NRXN1: variants seen among roughly 807,000 people sequenced by gnomAD.
NRXN1 encodes the protein neurexin 1, also known as neurexin-1.
A neutral mutation model predicts 150.9 loss-of-function variants in NRXN1; 39 were observed. That is an observed-to-expected ratio of 0.26 (90% CI 0.20 to 0.34). NRXN1 has a LOEUF of 0.34. Ranked by LOEUF, NRXN1 falls within the 10% of genes least tolerant of loss-of-function variation. The probability of loss-of-function intolerance (pLI) is 1.00; values close to 1 mark genes in which losing one functional copy is unlikely to be tolerated. For missense variants in NRXN1, 1,815 were observed against 1,949.9 expected, an observed-to-expected ratio of 0.93 and a Z score of 1.30; for synonymous variants, 924 against 757.0, an observed-to-expected ratio of 1.22 and a Z score of -3.62.
intron 5 of NRXN1, among the ~76,000 whole-genome samples, chr2:50,878,761 T>C (rs1232993062): frequency 1.3e-5 from 2 of 151,942 alleles, no homozygotes; most frequent in African/African-American, 4.8e-5. Context: ...GGGAAAAAGC[T>C]TATAATTTAA....
chr2:50,741,871 C>G (rs1358149297), intron 5 of NRXN1, among the ~76,000 whole-genome samples: 20 of 152,178 alleles, frequency 1.3e-4, no homozygotes, highest in Admixed American at 1.3e-3. Context: ...TTCTTCTGTT[C>G]TTTCCTGCTC....
At position 51,006,157 on chromosome 2, in the gene NRXN1, T is replaced by G. The variant is rs558681265; in HGVS notation, c.772+21345A>C. Among the ~76,000 whole-genome samples, 15 of 151,978 alleles carry G rather than the reference T, an allele frequency of 9.9e-5. No individual in the cohort carries two copies. The South Asian group carries it at 3.1e-3, about 32-fold the overall frequency. ...TAAGAACCTGTGTAGTTGTCTCACG[T>G]GGGTCCGCAGCTATTTATTTCCAAT... On this transcript the variant is annotated intron_variant, in intron 2 of 22. Coordinates refer to ENST00000401669, the MANE Select transcript of NRXN1 (RefSeq NM_001330078.2).
chr2:51,010,131 T>C (rs887966089), intron 2 of NRXN1, among the ~76,000 whole-genome samples: 28 of 152,134 alleles, frequency 1.8e-4, no homozygotes, highest in Middle Eastern at 3.4e-3. Context: ...TCTTCTGAAA[T>C]GGACTATTGG....
chr2:50,472,362 T>C lies in NRXN1; in HGVS notation c.3180A>G (p.Gly1060=), dbSNP rs1182308165. ...CATCGGAGATGAGGTCCGGAAGCCGTCCATTTAAATCAACTGATGCCAGGC... is the reference window on the plus strand; with the variant it reads ...CATCGGAGATGAGGTCCGGAAGCCGCCCATTTAAATCAACTGATGCCAGGC... The part of the protein sequence containing the change: ...QGCLASVDLN[G]RLPDLISDAL... Residue 1060 remains glycine (G), a synonymous_variant, in exon 16 of 23, where the codon GGA becomes GGG. Transcript: ENST00000401669. 2.5e-6 allele frequency: 4 copies of C among 1,612,080 alleles called. No individual in the cohort carries two copies. The highest frequency in any genetic ancestry group is 3.4e-6 in the Non-Finnish European group (4 of 1,178,786).
At chr2:50,389,901 G>C (rs1298527429) in intron 17 of NRXN1, among the ~76,000 whole-genome samples, 1 of 152,050 alleles carries the variant, frequency 6.6e-6, no homozygotes, top group African/African-American at 2.4e-5. Flanking sequence ...GGTTATACTT[G>C]GTGATGTTAT....
rs527628564 is a variant in NRXN1 at position 49,923,854 on chromosome 2, G to A, written c.4217-1603C>T. On this transcript the variant is annotated intron_variant, in intron 22 of 22. Transcript: ENST00000401669. ...CTATGTTCTGGTGCTACAAAATGTA[G>A]CAGGTAAAACTTTTTATGCTGAATG... 5.3e-5 allele frequency among the ~76,000 whole-genome samples: 8 copies of A among 152,314 alleles called. No homozygotes were observed. The South Asian group carries it at 1.4e-3, about 28-fold the overall frequency.
chr2:50,428,222 G>A (rs1446576747), intron 17 of NRXN1, among the ~76,000 whole-genome samples: 2 of 152,136 alleles, frequency 1.3e-5, no homozygotes, highest in African/African-American at 4.8e-5. Context: ...AAGACCACCT[G>A]GGCAACACAG....
chr2:50,645,847 C>A (rs2104515258), intron 5 of NRXN1, among the ~76,000 whole-genome samples: 1 of 152,028 alleles, frequency 6.6e-6, no homozygotes, highest in South Asian at 2.1e-4. Flanking sequence ...AATAGCTTTT[C>A]TTTACATGAT....
At chr2:50,971,220 A>G (rs1270459913) in intron 2 of NRXN1, among the ~76,000 whole-genome samples, 1 of 152,160 alleles carries the variant, frequency 6.6e-6, no homozygotes, top group Non-Finnish European at 1.5e-5. Context: ...ACATCTGCAG[A>G]ATTAGTAACA....
At chr2:50,151,948 T>C (rs2152773418) in intron 18 of NRXN1, among the ~76,000 whole-genome samples, 1 of 151,900 alleles carries the variant, frequency 6.6e-6, no homozygotes, top group South Asian at 2.1e-4. Context: ...CCAATAATAA[T>C]CTTTAGGAAT....
At chr2:49,994,116 G>C (rs182075550) in intron 21 of NRXN1, among the ~76,000 whole-genome samples, 1 of 152,246 alleles carries the variant, frequency 6.6e-6, no homozygotes, top group Admixed American at 6.5e-5. Context: ...GAGTCTCTCA[G>C]GAAGCAGTAA....
intron 12 of NRXN1, among the ~76,000 whole-genome samples, chr2:50,520,062 T>TTA (rs1245983328): frequency 2.0e-5 from 3 of 151,960 alleles, no homozygotes; most frequent in Admixed American, 6.6e-5. Flanking sequence ...GAAGCACATA[T>TTA]TATACCATGT....
chr2:50,904,090 C>G (rs1010869636), intron 5 of NRXN1, among the ~76,000 whole-genome samples: 1 of 152,040 alleles, frequency 6.6e-6, no homozygotes, highest in Non-Finnish European at 1.5e-5. Flanking sequence ...GTCCTCAGGT[C>G]CCTCCCCAGA....
At chr2:50,278,306 T>TATATATATATA (rs1446073387) in intron 17 of NRXN1, among the ~76,000 whole-genome samples, 7 of 86,308 alleles carry the variant, frequency 8.1e-5, no homozygotes, top group African/African-American at 2.8e-4. Context: ...AATATATATT[T>TATATATATATA]TATATATATA....
intron 5 of NRXN1, among the ~76,000 whole-genome samples, chr2:50,847,912 TGA>T (rs1243304657): frequency 1.3e-5 from 2 of 152,116 alleles, no homozygotes; most frequent in South Asian, 2.1e-4. Context: ...AGCCATCAGC[TGA>T]GAGCTACTTC....
At chr2:50,621,091 T>C (rs950581857) in intron 7 of NRXN1, 135 bp downstream of exon 7, 2 of 658,606 alleles carry the variant, frequency 3.0e-6, no homozygotes, top group Non-Finnish European at 5.0e-6. Context: ...GAGGTCAAAG[T>C]AAGCAGAAGA....
At chr2:50,837,352 G>T (rs1482133015) in intron 5 of NRXN1, among the ~76,000 whole-genome samples, 3 of 152,128 alleles carry the variant, frequency 2.0e-5, no homozygotes, top group African/African-American at 7.2e-5. Flanking sequence ...ATTTGCTTGA[G>T]GCAGTAGAGC....
intron 15 of NRXN1, among the ~76,000 whole-genome samples, chr2:50,486,759 G>A (rs966321841): frequency 6.6e-6 from 1 of 152,072 alleles, no homozygotes; most frequent in Non-Finnish European, 1.5e-5. Flanking sequence ...TAATAAACTT[G>A]AGATGGCAAA....
intron 5 of NRXN1, among the ~76,000 whole-genome samples, chr2:50,744,417 T>A (rs1699779318): frequency 6.6e-6 from 1 of 152,150 alleles, no homozygotes; most frequent in South Asian, 2.1e-4. Context: ...ATGATAAGAA[T>A]AAAAACATTA....
Sources: gnomAD v4.1 joint callset for allele counts (sites outside exome capture counted in the v4.1 genomes callset) on GRCh38, gnomAD v4.1.1 for gene constraint, MANE v1.5 for transcripts, NCBI Gene and HGNC (gene_info 2026-07-23, HGNC 2026-07-21) for gene names.